Variants in RAD51B observed in about 807,000 individuals in gnomAD.
RAD51B encodes RAD51 paralog B.
RAD51B carries 38 observed loss-of-function variants against 42.2 expected under a neutral mutation model. The observed-to-expected ratio is 0.90, with a 90% CI of 0.70 to 1.18. The LOEUF (loss-of-function observed/expected upper bound fraction) is 1.18, where lower values mean the gene tolerates loss of function less well. RAD51B is among the 50% of genes most tolerant of loss of function. The probability of loss-of-function intolerance (pLI) is 0.00; values close to 1 mark genes in which losing one functional copy is unlikely to be tolerated. For synonymous variants in RAD51B, 154 were observed against 145.2 expected (o/e 1.06, Z -0.43); for missense variants, 373 against 400.7 (o/e 0.93, Z 0.59).
intron 10 of RAD51B, among the ~76,000 whole-genome samples, chr14:68,648,116 T>C (rs1892616246): frequency 1.1e-5 from 1 of 89,568 alleles, no homozygotes; most frequent in Non-Finnish European, 2.2e-5. Context: ...CACACACGTA[T>C]ATATATATAC....
intron 7 of RAD51B, among the ~76,000 whole-genome samples, chr14:68,062,467 T>G (rs533278056): frequency 6.6e-6 from 1 of 152,214 alleles, no homozygotes; most frequent in African/African-American, 2.4e-5. Context: ...TCAGAAGAAT[T>G]GGTGTTAGTT....
intron 10 of RAD51B, among the ~76,000 whole-genome samples, chr14:68,584,395 A>G (rs1594998356): frequency 6.6e-6 from 1 of 152,206 alleles, no homozygotes; most frequent in East Asian, 1.9e-4. Context: ...GGTGGGAGTC[A>G]CTCAAGCAAA....
intron 8 of RAD51B, among the ~76,000 whole-genome samples, chr14:68,322,787 T>C (rs1474278993): frequency 6.6e-6 from 1 of 152,122 alleles, no homozygotes. Flanking sequence ...GATAGCCACC[T>C]TTAAGTTAGG....
rs559399382 is a variant in RAD51B at position 68,595,365 on chromosome 14, A to C, written c.*762A>C. On this transcript the variant is annotated 3_prime_UTR_variant, in exon 11 of 11. Transcript: ENST00000487270. The stretch of plus-strand genomic sequence containing the variant: ...GACCAGGGCCAAAGGGAAATCAGTC[A>C]AGGGAGCCTGTTTTGTCTGAAATAA... The C allele has an allele frequency of 1.2e-5, 13 of 1,066,452 alleles. 1 individual carries two copies. In the South Asian group the frequency reaches 5.0e-4, roughly 41 times the overall value. The allele number at this position is 1,066,452 out of a possible 1,614,324, so 66.1% of individuals were successfully genotyped here. A position where few individuals can be genotyped will look rare whatever the true frequency, so the allele number is the denominator to read the frequency against.
chr14:68,456,470 A>T (rs1037473150), intron 9 of RAD51B, among the ~76,000 whole-genome samples: 1 of 152,222 alleles, frequency 6.6e-6, no homozygotes, highest in Non-Finnish European at 1.5e-5. Flanking sequence ...TAAGACAAAA[A>T]TCATTACTGG....
intron 8 of RAD51B, among the ~76,000 whole-genome samples, chr14:68,362,644 T>G (rs1156320514): frequency 6.6e-6 from 1 of 151,958 alleles, no homozygotes; most frequent in Non-Finnish European, 1.5e-5. Flanking sequence ...GATCAGGAGA[T>G]CGAGACCATC....
intron 7 of RAD51B, among the ~76,000 whole-genome samples, chr14:68,205,549 T>C (rs989289846): frequency 3.3e-5 from 5 of 152,184 alleles, no homozygotes; most frequent in Non-Finnish European, 5.9e-5. Context: ...GTTTGGGGGC[T>C]GAGATAAAAG....
intron 7 of RAD51B, among the ~76,000 whole-genome samples, chr14:67,913,174 C>T (rs2044045536): frequency 6.6e-6 from 1 of 152,088 alleles, no homozygotes; most frequent in Non-Finnish European, 1.5e-5. Context: ...GGTAGTTATC[C>T]CCTACCATTT....
chr14:68,322,271 A>T (rs2082170771), intron 8 of RAD51B, among the ~76,000 whole-genome samples: 1 of 152,210 alleles, frequency 6.6e-6, no homozygotes, highest in African/African-American at 2.4e-5. Context: ...AAGGCCTATA[A>T]GAGAGCATAT....
downstream of RAD51B, among the ~76,000 whole-genome samples, chr14:68,599,866 C>T (rs192356174): frequency 2.2e-4 from 34 of 152,352 alleles, 1 homozygote; most frequent in East Asian, 4.4e-3. Flanking sequence ...CTCTTCCTCC[C>T]CAGGGGCTCC....
rs1334739889 is a variant in RAD51B, at chr14:67,971,406, A to G, written c.756+84202A>G. On this transcript the variant is annotated intron_variant, in intron 7 of 10. Coordinates refer to ENST00000471583, the MANE Select transcript of RAD51B (RefSeq NM_133510.4). ...TTTTAAAATTCCTCTTAAACTTTAT[A>G]ATTCAAATCAGTCAAGTAACCAAGA... 4.6e-5 allele frequency among the ~76,000 whole-genome samples: 7 copies of G among 152,110 alleles called. 1 individual carries two copies. The highest frequency in any genetic ancestry group is 1.0e-4 in the Non-Finnish European group (7 of 67,970).
At chr14:68,318,096 A>G (rs1439621504) in intron 8 of RAD51B, among the ~76,000 whole-genome samples, 1 of 152,224 alleles carries the variant, frequency 6.6e-6, no homozygotes, top group Non-Finnish European at 1.5e-5. Context: ...TGAATTCATC[A>G]GGTGGTCACA....
intron 7 of RAD51B, among the ~76,000 whole-genome samples, chr14:68,268,063 CAT>C (rs1329776278): frequency 2.6e-5 from 4 of 152,128 alleles, no homozygotes; most frequent in African/African-American, 9.7e-5. Context: ...GAGAGACTAA[CAT>C]AAAGCCTCTG....
chr14:68,194,880 A>G (rs1474417767), intron 7 of RAD51B, among the ~76,000 whole-genome samples: 3 of 152,226 alleles, frequency 2.0e-5, no homozygotes, highest in African/African-American at 7.2e-5. Context: ...AACTTAGAAG[A>G]AAAGTCTATC....
At chr14:68,407,159 T>G (rs971288829) in intron 8 of RAD51B, among the ~76,000 whole-genome samples, 1 of 152,148 alleles carries the variant, frequency 6.6e-6, no homozygotes, top group African/African-American at 2.4e-5. Flanking sequence ...GTAAATACAT[T>G]AAAAGTATAG....
chr14:68,120,066 C>T (rs2077621006), intron 7 of RAD51B, among the ~76,000 whole-genome samples: 1 of 152,128 alleles, frequency 6.6e-6, no homozygotes. Context: ...TCTCTGATGG[C>T]CAGTGATGGT....
chr14:68,290,327 G>T (rs1052933080), intron 7 of RAD51B, among the ~76,000 whole-genome samples: 1 of 152,156 alleles, frequency 6.6e-6, no homozygotes, highest in Non-Finnish European at 1.5e-5. Flanking sequence ...TTCTTCCCAC[G>T]ATGAGAACAT....
intron 7 of RAD51B, among the ~76,000 whole-genome samples, chr14:67,962,770 A>G (rs1179089269): frequency 6.6e-6 from 1 of 152,200 alleles, no homozygotes; most frequent in Non-Finnish European, 1.5e-5. Flanking sequence ...ACCTTCATAT[A>G]TATATGTAAG....
At chr14:68,059,678 CATA>C (rs1253876930) in intron 7 of RAD51B, among the ~76,000 whole-genome samples, 1 of 152,128 alleles carries the variant, frequency 6.6e-6, no homozygotes, top group Non-Finnish European at 1.5e-5. Flanking sequence ...CTATATGCGT[CATA>C]ATAATGTATT....
Sources: allele counts gnomAD v4.1 joint callset (sites outside exome capture counted in the v4.1 genomes callset), GRCh38; gene constraint gnomAD v4.1.1; transcripts MANE v1.5; gene names NCBI Gene and HGNC (gene_info 2026-07-23, HGNC 2026-07-21).